The following POTEE variants were observed in gnomAD, a reference collection of about 807,000 sequenced individuals.
POTEE encodes POTE ankyrin domain family member E, also known as ANKRD26-like family C member 1A.
POTEE carries 21 observed loss-of-function variants against 74.2 expected under a neutral mutation model. The observed-to-expected ratio is 0.28, with a 90% CI of 0.20 to 0.41. The LOEUF is 0.41. Ranked by LOEUF, POTEE falls within the 10% of genes least tolerant of loss-of-function variation. The pLI is 1.00. For missense variants in POTEE, 525 were observed against 1,158.6 expected (o/e 0.45, Z 7.94); for synonymous variants, 211 against 432.8 (o/e 0.49, Z 6.36).
chr2:131,248,464 A>G (rs1247723662), intron 13 of POTEE, among the ~76,000 whole-genome samples: 1 of 152,228 alleles, frequency 6.6e-6, no homozygotes, highest in Non-Finnish European at 1.5e-5. Flanking sequence ...TGAATACAGA[A>G]GAGCAAAGAG....
At chr2:131,210,597 C>T (rs567680760) in intron 1 of POTEE, among the ~76,000 whole-genome samples, 2 of 151,960 alleles carry the variant, frequency 1.3e-5, no homozygotes, top group South Asian at 2.1e-4. Context: ...ACACCCACTG[C>T]GGTTCTCCGG....
At chr2:131,226,652 A>G (rs1456467736) in intron 6 of POTEE, among the ~76,000 whole-genome samples, 171 bp from the exon 7 acceptor site, 300 of 151,328 alleles carry the variant, frequency 2.0e-3, no homozygotes, top group African/African-American at 7.2e-3. Context: ...GGGTGTTTCC[A>G]AGGGAAGGAG....
At position 131,223,361 on chromosome 2, in the gene POTEE, C is replaced by T. The variant is rs1007503234; in HGVS notation, c.522-235C>T. Among the ~76,000 whole-genome samples the T allele has an allele frequency of 4.0e-5, 6 of 148,978 alleles. 1 individual carries two copies. The highest frequency in any genetic ancestry group is 1.5e-4 in the African/African-American group (6 of 38,810). On this transcript the variant is annotated intron_variant, in intron 4 of 17. Transcript: ENST00000683005. ...GACAGAGCTTCAAGTAGGATTCCAGCCCACGTTGAATGTCATCCAAGGGCT... is the reference window on the plus strand; with the variant it reads ...GACAGAGCTTCAAGTAGGATTCCAGTCCACGTTGAATGTCATCCAAGGGCT...
chr2:131,219,281 C>G (rs1247270261), intron 4 of POTEE, among the ~76,000 whole-genome samples: 1 of 151,452 alleles, frequency 6.6e-6, no homozygotes, highest in Admixed American at 6.6e-5. Flanking sequence ...AACAAAGCCC[C>G]ATAACACATC....
At chr2:131,229,449 A>G (rs1383500049) in intron 8 of POTEE, among the ~76,000 whole-genome samples, 23 of 152,350 alleles carry the variant, frequency 1.5e-4, no homozygotes, top group Middle Eastern at 3.4e-3. Flanking sequence ...TGTCGGAGCT[A>G]CTTCCATCTC....
At chr2:131,214,402 A>G (rs553813876) in intron 2 of POTEE, among the ~76,000 whole-genome samples, 4,893 of 152,248 alleles carry the variant, frequency 0.032, 51 homozygotes, top group African/African-American at 0.11. Context: ...GTCCTAAAGT[A>G]GAATGACTAA....
intron 2 of POTEE, among the ~76,000 whole-genome samples, 36 bp downstream of exon 2, chr2:131,211,219 C>A (rs1700348543): frequency 6.6e-6 from 1 of 151,842 alleles, no homozygotes; most frequent in Admixed American, 6.5e-5. Flanking sequence ...GTGGTAGGAA[C>A]CTTGTAGGGT....
intron 1 of POTEE, among the ~76,000 whole-genome samples, 133 bp downstream of exon 1, chr2:131,209,952 C>T (rs1410250342): frequency 2.9e-4 from 29 of 99,010 alleles, no homozygotes; most frequent in Admixed American, 5.6e-4. Flanking sequence ...GCATTGCTGG[C>T]GGTGGAGGGG....
At chr2:131,227,299 T>G (rs1427635644) in intron 7 of POTEE, among the ~76,000 whole-genome samples, 1 of 149,830 alleles carries the variant, frequency 6.7e-6, no homozygotes, top group Non-Finnish European at 1.5e-5. Flanking sequence ...TCTTACATGC[T>G]TTTCCATTAA....
intron 7 of POTEE, 150 bp from the exon 8 acceptor site, chr2:131,228,094 A>C (rs1367820619): frequency 2.1e-6 from 3 of 1,440,168 alleles, no homozygotes; most frequent in Non-Finnish European, 2.8e-6. Flanking sequence ...CATTTTACAA[A>C]GATGAACACT....
At position 131,233,532 on chromosome 2, in the gene POTEE, C is replaced by T. The variant is rs1182733709; in HGVS notation, c.1126+2626C>T. Among the ~76,000 whole-genome samples the T allele has an allele frequency of 2.0e-5, 3 of 149,920 alleles. 1 individual carries two copies. Among genetic ancestry groups the T allele is most frequent in the Non-Finnish European group, 4.4e-5 (3 of 67,582 alleles). On this transcript the variant is annotated intron_variant, in intron 9 of 17. Transcript: ENST00000683005. The stretch of plus-strand genomic sequence containing the variant: ...TCCTTGGAGTAGCATCAATGTATTA[C>T]AAGGTTTTCACCCGTCCTTAGTGAA...
At chr2:131,211,614 G>A (rs1310263993) in intron 2 of POTEE, among the ~76,000 whole-genome samples, 1 of 142,650 alleles carries the variant, frequency 7.0e-6, no homozygotes, top group African/African-American at 2.6e-5. Context: ...GTGCAGTGGT[G>A]CGATCTCGGC....
intron 2 of POTEE, among the ~76,000 whole-genome samples, chr2:131,213,332 T>A (rs1295198360): frequency 6.6e-6 from 1 of 150,728 alleles, no homozygotes; most frequent in Non-Finnish European, 1.5e-5. Flanking sequence ...CTACTTTAGG[T>A]GTGAACTTTT....
intron 4 of POTEE, among the ~76,000 whole-genome samples, chr2:131,219,599 C>T (rs1186166810): frequency 6.6e-6 from 1 of 151,962 alleles, no homozygotes; most frequent in East Asian, 1.9e-4. Context: ...TAGCTGGGTG[C>T]GGTCGTAGAC....
intron 2 of POTEE, among the ~76,000 whole-genome samples, chr2:131,211,795 A>C (rs1216358454): frequency 6.6e-6 from 1 of 151,176 alleles, no homozygotes; most frequent in Non-Finnish European, 1.5e-5. Context: ...TGACCTCATG[A>C]TCCGCCCACC....
In POTEE at chr2:131,218,504, C is replaced by G; in HGVS notation, c.102C>G (p.Cys34Trp). 6.2e-7 allele frequency: 1 copy of G among 1,612,752 alleles called. No individual in the cohort carries two copies. The highest frequency in any genetic ancestry group is 8.5e-7 in the Non-Finnish European group (1 of 1,179,876). ...AGTGGTGCTGCCGTTGCTTCCCCTG[C>G]TACAGGGAGAGCGGCAAGAGCAACG... ...MGKWCCRCFP[C>W]YRESGKSNVG... The change falls in exon 4 of 18, where the codon TGC (cysteine) becomes TGG (tryptophan). Residue 34 changes from cysteine (C) to tryptophan (W), a missense_variant. Cys to Trp is a radical substitution (Grantham distance 215). Coordinates refer to ENST00000683005, the MANE Select transcript of POTEE (RefSeq NM_001083538.3).
intron 17 of POTEE, among the ~76,000 whole-genome samples, chr2:131,262,675 C>A (rs1415311530): frequency 1.3e-5 from 2 of 151,624 alleles, no homozygotes; most frequent in Non-Finnish European, 2.9e-5. Flanking sequence ...ATTTTTTGAC[C>A]TCTCCTTTTA....
At chr2:131,215,660 T>C (rs990606332) in intron 2 of POTEE, among the ~76,000 whole-genome samples, 3 of 143,042 alleles carry the variant, frequency 2.1e-5, no homozygotes, top group Admixed American at 7.1e-5. Flanking sequence ...TAAAAATTGT[T>C]AGATTAAAAC....
At chr2:131,226,693 A>G in intron 6 of POTEE, 130 bp from the exon 7 acceptor site, 2 of 1,422,340 alleles carry the variant, frequency 1.4e-6, no homozygotes, top group Non-Finnish European at 1.9e-6. Context: ...AAGAGTGAGA[A>G]GGAAGCGAGT....
Sources: gnomAD v4.1 joint callset for allele counts (sites outside exome capture counted in the v4.1 genomes callset) on GRCh38, gnomAD v4.1.1 for gene constraint, MANE v1.5 for transcripts, NCBI Gene and HGNC (gene_info 2026-07-23, HGNC 2026-07-21) for gene names.